The following STK31 variants were observed in gnomAD, a reference collection of about 807,000 sequenced individuals.
STK31 encodes serine/threonine kinase 31, also known as serine/threonine-protein kinase 31.
A neutral mutation model predicts 129.7 loss-of-function variants in STK31; 89 were observed. That is an observed-to-expected ratio of 0.69 (90% CI 0.58 to 0.82). The LOEUF is 0.82. Ranked by LOEUF, STK31 falls within the 40% of genes least tolerant of loss-of-function variation. The pLI is 0.00. For missense variants in STK31, 1,187 were observed against 1,176.4 expected (o/e 1.01, Z -0.13); for synonymous variants, 448 against 395.3 (o/e 1.13, Z -1.58).
At chr7:23,781,019 T>C (rs917375402) in intron 15 of STK31, among the ~76,000 whole-genome samples, 1 of 152,232 alleles carries the variant, frequency 6.6e-6, no homozygotes, top group Non-Finnish European at 1.5e-5. Context: ...ACACATTTAC[T>C]CATCCTTTTG....
At chr7:23,744,268 C>T (rs564855132) in intron 8 of STK31, among the ~76,000 whole-genome samples, 244 of 147,616 alleles carry the variant, frequency 1.7e-3, no homozygotes, top group African/African-American at 4.9e-3. Context: ...GTATTTCATT[C>T]GGTGAATCCT....
At chr7:23,735,155 ATCGAGTAC>A (rs1334431617) in intron 6 of STK31, among the ~76,000 whole-genome samples, 4 of 152,044 alleles carry the variant, frequency 2.6e-5, no homozygotes, top group Non-Finnish European at 5.9e-5. Context: ...GTTTTGTAAA[ATCGAGTAC>A]CTTTTCTAGA....
intron 23 of STK31, among the ~76,000 whole-genome samples, chr7:23,831,649 T>C (rs552279173): frequency 2.8e-4 from 42 of 152,372 alleles, no homozygotes; most frequent in Admixed American, 5.9e-4. Context: ...ATCTTTTGTT[T>C]CTTATTTTCT....
At chr7:23,786,993 G>A in intron 20 of STK31, 69 bp downstream of exon 20, 2 of 1,449,630 alleles carry the variant, frequency 1.4e-6, no homozygotes, top group Non-Finnish European at 1.9e-6. Context: ...TATTTATTCA[G>A]GCATACTACA....
At chr7:23,757,037 G>A (rs2390811) in intron 10 of STK31, among the ~76,000 whole-genome samples, 85,106 of 151,970 alleles carry the variant, frequency 0.56, 24,099 homozygotes, top group Middle Eastern at 0.61. Context: ...GTCCTTTTCA[G>A]TTGTTGGGAA....
intron 22 of STK31, among the ~76,000 whole-genome samples, chr7:23,803,451 C>T (rs1196640982): frequency 2.0e-5 from 3 of 152,114 alleles, no homozygotes; most frequent in Admixed American, 2.0e-4. Flanking sequence ...ATCAAAGATA[C>T]TGTGGTTTTA....
intron 23 of STK31, among the ~76,000 whole-genome samples, chr7:23,830,261 C>G (rs779374914): frequency 6.6e-6 from 1 of 151,488 alleles, no homozygotes; most frequent in Non-Finnish European, 1.5e-5. Context: ...TTTTGTGGAT[C>G]CTTTGTATTT....
intron 22 of STK31, among the ~76,000 whole-genome samples, chr7:23,797,129 C>A (rs1365631919): frequency 6.6e-6 from 1 of 152,088 alleles, no homozygotes; most frequent in African/African-American, 2.4e-5. Context: ...ATCTTAGAGA[C>A]CTACAAAGAG....
chr7:23,713,339 G>C (rs1188344595), intron 3 of STK31, among the ~76,000 whole-genome samples: 1 of 152,192 alleles, frequency 6.6e-6, no homozygotes, highest in African/African-American at 2.4e-5. Flanking sequence ...ACCATGAATG[G>C]AGCTTGCAGG....
upstream of STK31, chr7:23,710,104 G>A: frequency 9.6e-7 from 1 of 1,037,994 alleles, no homozygotes; most frequent in African/African-American, 1.6e-5. Context: ...AGCAGCCAGC[G>A]TCAGGCGGCT....
chr7:23,800,993 T>C (rs1227196140), intron 22 of STK31, among the ~76,000 whole-genome samples: 1 of 152,210 alleles, frequency 6.6e-6, no homozygotes, highest in African/African-American at 2.4e-5. Context: ...TGTCTGACTA[T>C]TGCAGATAAA....
intron 23 of STK31, among the ~76,000 whole-genome samples, chr7:23,823,910 G>A (rs902791537): frequency 6.6e-6 from 1 of 151,898 alleles, no homozygotes; most frequent in East Asian, 1.9e-4. Context: ...GTAGTTGTAG[G>A]TGTGTGGTAT....
rs1373006147 is a variant in STK31, at chr7:23,729,175, T to C, written c.409T>C (p.Ser137Pro). The C allele has an allele frequency of 1.9e-6, 3 of 1,612,166 alleles. No individual in the cohort carries two copies. Among genetic ancestry groups the C allele is most frequent in the Non-Finnish European group, 2.5e-6 (3 of 1,179,646 alleles). The change falls in exon 6 of 24, where the codon TCT becomes CCT. Residue 137 changes from serine (S) to proline (P), a missense_variant. Ser to Pro is a moderately conservative substitution (Grantham distance 74). Transcript: ENST00000355870. ...TGAAATTCCTTTGGAGCTGCAGTTT[T>C]CTAGTGTTGCCAAAAAGTATAAACT... The part of the protein sequence containing the change: ...IVEIPLELQF[S>P]SVAKKYKLWG...
intron 8 of STK31, among the ~76,000 whole-genome samples, chr7:23,741,609 G>A (rs775564043): frequency 6.6e-6 from 1 of 152,126 alleles, no homozygotes; most frequent in African/African-American, 2.4e-5. Flanking sequence ...CAGAGCAGGT[G>A]CCCCAGTCTC....
In STK31 at chr7:23,800,329, C is replaced by T. The variant is rs147071955; in HGVS notation, c.2760+9383C>T. On this transcript the variant is annotated intron_variant, in intron 22 of 23. Coordinates refer to ENST00000355870, the MANE Select transcript of STK31 (RefSeq NM_031414.5). The stretch of plus-strand genomic sequence containing the variant: ...CACAATAGCAAAGACTTGGAACCAA[C>T]CCAAATACCCATCAGTGATAGACTG... Among the ~76,000 whole-genome samples, 400 of 152,220 alleles carry T rather than the reference C, an allele frequency of 2.6e-3. 2 individuals carry two copies. The highest frequency in any genetic ancestry group is 9.0e-3 in the African/African-American group (374 of 41,538).
At chr7:23,769,532 T>G (rs1225539710) in intron 12 of STK31, 108 bp from the exon 13 acceptor site, 2 of 736,392 alleles carry the variant, frequency 2.7e-6, no homozygotes, top group African/African-American at 3.6e-5. Context: ...TTCCTAGTTC[T>G]TTTACATTGC....
rs1438478153 is a variant in STK31, at chr7:23,771,017, G to A, written c.1726G>A (p.Ala576Thr). Residue 576 changes from alanine to threonine, a missense_variant, in exon 14 of 24, where the codon GCA (alanine) becomes ACA (threonine). Ala to Thr is a moderately conservative substitution (Grantham distance 58). This residue lies in a region of STK31 where 975 missense variants were observed against 934.9 expected (regional missense o/e 1.04). Transcript: ENST00000355870. ...TGATTTCATTTAGGATCAAGGTGAT[G>A]CAGACAAGGAGATAATTTCAAATAC... The part of the protein sequence containing the change: ...LEIALVDQGD[A>T]DKEIISNTYS... The A allele has an allele frequency of 1.2e-6, 2 of 1,610,384 alleles. No individual in the cohort carries two copies. The highest frequency in any genetic ancestry group is 8.5e-7 in the Non-Finnish European group (1 of 1,178,420).
At chr7:23,710,125 T>C, upstream of STK31, 1 of 1,313,956 alleles carries the variant, frequency 7.6e-7, no homozygotes, top group Non-Finnish European at 1.0e-6. Flanking sequence ...CCCGCACGCT[T>C]CTTCCTAGGC....
chr7:23,741,785 T>G (rs896272192), intron 8 of STK31, among the ~76,000 whole-genome samples: 4 of 152,228 alleles, frequency 2.6e-5, no homozygotes, highest in African/African-American at 9.6e-5. Flanking sequence ...TCTACTCAAG[T>G]GTAAGTCTCA....
Sources: allele counts gnomAD v4.1 joint callset (sites outside exome capture counted in the v4.1 genomes callset), GRCh38; gene constraint gnomAD v4.1.1; regional missense constraint gnomAD v4.1.1; transcripts MANE v1.5; gene names NCBI Gene and HGNC (gene_info 2026-07-23, HGNC 2026-07-21).